The following MRO variants were observed in gnomAD, a reference collection of about 807,000 sequenced individuals.
MRO encodes maestro, also known as protein maestro.
In MRO, 28 loss-of-function variants were observed where a neutral mutation model predicts 31.0. That is an observed-to-expected ratio of 0.90 (90% CI 0.67 to 1.24). The LOEUF is 1.24. MRO is among the 50% of genes most tolerant of loss of function. The probability of loss-of-function intolerance (pLI) is 0.00; values close to 1 mark genes in which losing one functional copy is unlikely to be tolerated. For synonymous variants in MRO, 108 were observed against 108.4 expected (o/e 1.00, Z 0.02); for missense variants, 332 against 289.2 (o/e 1.15, Z -1.07).
chr18:50,824,803 A>G (rs1240754039), upstream of MRO, among the ~76,000 whole-genome samples: 2 of 149,020 alleles, frequency 1.3e-5, no homozygotes, highest in African/African-American at 2.5e-5. Flanking sequence ...AGGCCGGCAC[A>G]GTGGCTCACG....
chr18:50,796,341 G>A lies in MRO; in HGVS notation c.*2996C>T, dbSNP rs1284293851. On this transcript the variant is annotated 3_prime_UTR_variant, in exon 8 of 8. Coordinates refer to ENST00000398439, the MANE Select transcript of MRO (RefSeq NM_031939.6). ...ACAGAGTACTTTTGCAGTCACCGGG[G>A]AGATACAATGATGTACAAGATACAG... 2.0e-5 allele frequency: 3 copies of A among 151,342 alleles called. No individual in the cohort carries two copies. The highest frequency in any genetic ancestry group is 4.4e-5 in the Non-Finnish European group (3 of 67,934). 9.4% of individuals were successfully genotyped at this position (151,342 alleles called of 1,614,324 possible).
At position 50,813,469 on chromosome 18, in the gene MRO, T is replaced by A. The variant is rs569526449; in HGVS notation, c.-4-4065A>T. On this transcript the variant is annotated intron_variant, in intron 2 of 7. Transcript: ENST00000398439. ...GTGCATCAGAATCACCCGGAAGACT[T>A]GTTAAAACACACATTCCCAGGCCTA... 2.0e-5 allele frequency among the ~76,000 whole-genome samples: 3 copies of A among 152,312 alleles called. No homozygotes were observed. The East Asian group carries it at 5.8e-4, about 29-fold the overall frequency.
At chr18:50,823,147 G>T (rs2144690248), upstream of MRO, among the ~76,000 whole-genome samples, 1 of 152,180 alleles carries the variant, frequency 6.6e-6, no homozygotes, top group Admixed American at 6.5e-5. Context: ...CCGCCAGCTA[G>T]CCACCCCATG....
At chr18:50,814,564 T>TA in intron 2 of MRO, 1 of 207,884 alleles carries the variant, frequency 4.8e-6, no homozygotes, top group South Asian at 9.3e-5. Context: ...TTTTGTGACT[T>TA]ACGCTCATGC....
intron 2 of MRO, among the ~76,000 whole-genome samples, chr18:50,817,758 T>C (rs1915051058): frequency 6.6e-6 from 1 of 152,150 alleles, no homozygotes; most frequent in Non-Finnish European, 1.5e-5. Context: ...TCAGTGTCTT[T>C]GCAGAGAACA....
chr18:50,804,799 C>T (rs1913742993), intron 5 of MRO, among the ~76,000 whole-genome samples: 1 of 151,858 alleles, frequency 6.6e-6, no homozygotes, highest in South Asian at 2.1e-4. Flanking sequence ...TTCTTTCTTT[C>T]TTTTTTTATT....
intron 6 of MRO, among the ~76,000 whole-genome samples, chr18:50,800,470 G>T (rs1291079299): frequency 1.3e-5 from 2 of 152,220 alleles, no homozygotes; most frequent in Non-Finnish European, 2.9e-5. Context: ...AGAAAGCTTT[G>T]CTCCCAATTG....
In MRO at chr18:50,804,640, A is replaced by G. The variant is rs112903678; in HGVS notation, c.429+514T>C. On this transcript the variant is annotated intron_variant, in intron 5 of 7. Coordinates refer to ENST00000398439, the MANE Select transcript of MRO (RefSeq NM_031939.6). ...GACCCTGTCTCAAACAGACAAAAAA[A>G]CCCTTGAGGGTTAGAGATAAAATTC... 2.3e-3 allele frequency among the ~76,000 whole-genome samples: 345 copies of G among 152,038 alleles called. 3 individuals are homozygous for G. Among genetic ancestry groups the G allele is most frequent in the African/African-American group, 7.6e-3 (317 of 41,504 alleles).
intron 4 of MRO, 99 bp downstream of exon 4, chr18:50,806,605 A>T: frequency 7.1e-7 from 1 of 1,400,934 alleles, no homozygotes; most frequent in Non-Finnish European, 9.9e-7. Context: ...GTGATAGATA[A>T]CTAATACAAC....
At chr18:50,822,952 A>C (rs1052384175), upstream of MRO, among the ~76,000 whole-genome samples, 2 of 152,094 alleles carry the variant, frequency 1.3e-5, no homozygotes, top group Non-Finnish European at 2.9e-5. Context: ...CCCACAGCGC[A>C]AGGCAGGAAT....
intron 2 of MRO, among the ~76,000 whole-genome samples, chr18:50,810,764 A>G (rs548539592): frequency 6.6e-6 from 1 of 152,314 alleles, no homozygotes; most frequent in East Asian, 1.9e-4. Flanking sequence ...CTGCAGCGGG[A>G]ACTCGAGATT....
intron 2 of MRO, among the ~76,000 whole-genome samples, chr18:50,817,553 G>T (rs12968692): frequency 0.052 from 7,881 of 152,196 alleles, 278 homozygotes; most frequent in Non-Finnish European, 0.081. Context: ...CAGAATTATT[G>T]GATCTGAATC....
At position 50,802,099 on chromosome 18, in the gene MRO, TAA is replaced by T. The variant is rs1185308949; in HGVS notation, c.430-597_430-596del. 2.6e-5 allele frequency among the ~76,000 whole-genome samples: 4 copies of T among 152,256 alleles called. No homozygotes were observed. The East Asian group carries it at 7.7e-4, about 29-fold the overall frequency. On this transcript the variant is annotated intron_variant, in intron 5 of 7. Coordinates refer to ENST00000398439, the MANE Select transcript of MRO (RefSeq NM_031939.6). Reference sequence around the variant, plus strand: ...TGAGAGCTCTTTCTACATCAATACATAAAAGAGTTTTCATTTTTCTTTTTCTT... The same window carrying T: ...TGAGAGCTCTTTCTACATCAATACATAAGAGTTTTCATTTTTCTTTTTCTT...
rs978107218 is a variant in MRO, at chr18:50,813,461, G to A, written c.-4-4057C>T. On this transcript the variant is annotated intron_variant, in intron 2 of 7. Transcript: ENST00000398439. ...ACTTCAGTGTGCATCAGAATCACCC[G>A]GAAGACTTGTTAAAACACACATTCC... Among the ~76,000 whole-genome samples, 14 of 152,300 alleles carry A rather than the reference G, an allele frequency of 9.2e-5. No individual in the cohort carries two copies. In the East Asian group the frequency reaches 1.4e-3, roughly 15 times the overall value.
upstream of MRO, among the ~76,000 whole-genome samples, chr18:50,821,054 G>A (rs1915283072): frequency 6.6e-6 from 1 of 152,214 alleles, no homozygotes; most frequent in Non-Finnish European, 1.5e-5. Context: ...AAGGGGCTAT[G>A]AGGAAAGAGG....
rs765568000 is a variant in MRO, at chr18:50,799,374, T to G, written c.710A>C (p.Glu237Ala). ...LYQQLSHYHP[E>A]ILQFFYANKI... ...ATTTGCGTAGAAGAACTGCAGGATC[T>G]CTGGATGATAGTGGCTCTGAAAGAA... Residue 237 changes from glutamate (E) to alanine (A), a missense_variant, in exon 8 of 8, where the codon GAG (glutamate) becomes GCG (alanine). Coordinates refer to ENST00000398439, the MANE Select transcript of MRO (RefSeq NM_031939.6). The G allele has an allele frequency of 3.1e-6, 5 of 1,613,960 alleles. No individual in the cohort carries two copies. Among genetic ancestry groups the G allele is most frequent in the Non-Finnish European group, 4.2e-6 (5 of 1,179,968 alleles).
intron 5 of MRO, among the ~76,000 whole-genome samples, chr18:50,801,989 A>T (rs185694278): frequency 2.4e-4 from 37 of 152,350 alleles, no homozygotes; most frequent in Non-Finnish European, 2.9e-4. Context: ...AAGAAGAAAG[A>T]TGTATATCAC....
chr18:50,799,224 C>T lies in MRO; in HGVS notation c.*113G>A. The stretch of plus-strand genomic sequence containing the variant: ...ATTGCTCTCCCAGCACCCTCTTTCC[C>T]ATTACAATCCCAAGAGGCAAGCAGT... On this transcript the variant is annotated 3_prime_UTR_variant, in exon 8 of 8. Coordinates refer to ENST00000398439, the MANE Select transcript of MRO (RefSeq NM_031939.6). 1 of 906,968 alleles carries T rather than the reference C, an allele frequency of 1.1e-6. No individual in the cohort carries two copies. Among genetic ancestry groups the T allele is most frequent in the South Asian group, 1.4e-5 (1 of 69,526 alleles). The allele number at this position is 906,968 out of a possible 1,614,324, so 56.2% of individuals were successfully genotyped here. A position where few individuals can be genotyped will look rare whatever the true frequency, so the allele number is the denominator to read the frequency against.
At chr18:50,820,099 T>A, upstream of MRO, 2 of 803,982 alleles carry the variant, frequency 2.5e-6, no homozygotes, top group Non-Finnish European at 2.0e-6. Context: ...CATGACTCAA[T>A]GGACGGGTTC....
Sources: allele counts gnomAD v4.1 joint callset (sites outside exome capture counted in the v4.1 genomes callset), GRCh38; gene constraint gnomAD v4.1.1; transcripts MANE v1.5; gene names NCBI Gene and HGNC (gene_info 2026-07-23, HGNC 2026-07-21).